NELL1: variants seen among roughly 807,000 people sequenced by gnomAD.
NELL1 encodes protein kinase C-binding protein NELL1.
NELL1 carries 76 observed loss-of-function variants against 107.4 expected under a neutral mutation model. That is an observed-to-expected ratio of 0.71 (90% CI 0.59 to 0.86). The LOEUF (loss-of-function observed/expected upper bound fraction) is 0.86. Ranked by LOEUF, NELL1 falls within the 40% of genes least tolerant of loss-of-function variation. The pLI, the probability that NELL1 is intolerant of heterozygous loss-of-function variation, is 0.00. For synonymous variants in NELL1, 353 were observed against 341.2 expected (o/e 1.03, Z -0.38); for missense variants, 1,024 against 1,005.5 (o/e 1.02, Z -0.25).
At chr11:20,874,265 A>G (rs60348315) in intron 4 of NELL1, among the ~76,000 whole-genome samples, 3,619 of 151,960 alleles carry the variant, frequency 0.024, 161 homozygotes, top group African/African-American at 0.083. Flanking sequence ...TCGAGGTTTC[A>G]TCATATTGAT....
chr11:21,517,170 A>T (rs1330521289), intron 15 of NELL1, among the ~76,000 whole-genome samples: 1 of 148,212 alleles, frequency 6.7e-6, no homozygotes, highest in Non-Finnish European at 1.5e-5. Context: ...AGGAAACCTT[A>T]GGCAAATCAC....
At chr11:21,416,079 A>T (rs1852511546) in intron 15 of NELL1, among the ~76,000 whole-genome samples, 2 of 152,054 alleles carry the variant, frequency 1.3e-5, no homozygotes, top group Non-Finnish European at 2.9e-5. Context: ...CACTCTAGGA[A>T]GGAAATATCT....
chr11:21,496,336 AT>A (rs1854977502), intron 15 of NELL1, among the ~76,000 whole-genome samples: 1 of 149,296 alleles, frequency 6.7e-6, no homozygotes, highest in Non-Finnish European at 1.5e-5. Flanking sequence ...CCTCCTTTGC[AT>A]TTCTTAATTA....
intron 3 of NELL1, among the ~76,000 whole-genome samples, chr11:20,812,993 C>T (rs1322569253): frequency 4.2e-5 from 5 of 120,218 alleles, no homozygotes; most frequent in South Asian, 5.5e-4. Flanking sequence ...TGGGCGACAG[C>T]GAGACTCCGT....
intron 5 of NELL1, among the ~76,000 whole-genome samples, chr11:20,901,232 A>G (rs1849865564): frequency 6.6e-6 from 1 of 152,148 alleles, no homozygotes; most frequent in African/African-American, 2.4e-5. Context: ...AAGAGAGTTC[A>G]GAAAGAGTAC....
chr11:21,555,221 A>G (rs529549300), intron 16 of NELL1, among the ~76,000 whole-genome samples: 14 of 151,860 alleles, frequency 9.2e-5, no homozygotes, highest in Non-Finnish European at 2.1e-4. Flanking sequence ...TAATGAAGAG[A>G]TAATAGGATG....
intron 2 of NELL1, among the ~76,000 whole-genome samples, chr11:20,751,373 A>G (rs919124387): frequency 1.3e-5 from 2 of 152,168 alleles, no homozygotes; most frequent in African/African-American, 2.4e-5. Flanking sequence ...CCATGACTCA[A>G]TCCATCAACA....
chr11:20,757,090 A>G (rs1023213357), intron 2 of NELL1, among the ~76,000 whole-genome samples: 5 of 150,736 alleles, frequency 3.3e-5, no homozygotes, highest in African/African-American at 1.2e-4. Flanking sequence ...TTCTCTCCCA[A>G]CTTTTTTTCT....
At position 20,928,454 on chromosome 11, in the gene NELL1, T is replaced by C; in HGVS notation, c.972T>C (p.Ala324=). 3 of 1,614,002 alleles carry C rather than the reference T, an allele frequency of 1.9e-6. No homozygotes were observed. Among genetic ancestry groups the C allele is most frequent in the Non-Finnish European group, 2.5e-6 (3 of 1,179,900 alleles). The part of the protein sequence containing the change: ...CSPDSLPVHI[A]GQCCKVCRPK... ...CAGACTCCCTCCCAGTGCACATTGC[T>C]GGCCAGTGCTGTAAGGTCTGCCGAC... Residue 324 remains alanine (A), a synonymous_variant, in exon 9 of 20, where the codon GCT becomes GCC. Transcript: ENST00000357134.
chr11:21,202,210 C>A (rs1273426081), intron 13 of NELL1, among the ~76,000 whole-genome samples: 2 of 152,166 alleles, frequency 1.3e-5, no homozygotes, highest in Non-Finnish European at 2.9e-5. Context: ...GGTACCAGCT[C>A]CTCTTTGTAC....
chr11:21,060,787 C>T (rs574782365), intron 12 of NELL1, among the ~76,000 whole-genome samples: 13 of 152,260 alleles, frequency 8.5e-5, no homozygotes, highest in Non-Finnish European at 1.5e-4. Flanking sequence ...CTGCAACCTT[C>T]GCCTCCCAGG....
chr11:20,845,614 A>G (rs1013111263), intron 3 of NELL1, among the ~76,000 whole-genome samples: 38 of 152,198 alleles, frequency 2.5e-4, no homozygotes, highest in African/African-American at 9.2e-4. Flanking sequence ...CTTGGGCAAG[A>G]TACTTAATAT....
At chr11:20,694,369 G>T (rs1854556518) in intron 2 of NELL1, among the ~76,000 whole-genome samples, 1 of 151,732 alleles carries the variant, frequency 6.6e-6, no homozygotes, top group African/African-American at 2.4e-5. Context: ...GTATTTTCTG[G>T]GTTTTCTTCT....
At chr11:20,971,226 T>C (rs1464922999) in intron 12 of NELL1, among the ~76,000 whole-genome samples, 1 of 152,138 alleles carries the variant, frequency 6.6e-6, no homozygotes, top group Non-Finnish European at 1.5e-5. Context: ...AAAATCATGC[T>C]GAGACATTTT....
intron 2 of NELL1, among the ~76,000 whole-genome samples, chr11:20,763,648 C>T (rs757587793): frequency 1.5e-4 from 23 of 152,174 alleles, no homozygotes; most frequent in African/African-American, 4.3e-4. Flanking sequence ...GTACATTACA[C>T]GGAAGGAAAG....
intron 14 of NELL1, among the ~76,000 whole-genome samples, chr11:21,307,870 A>C (rs1590823179): frequency 6.6e-6 from 1 of 152,038 alleles, no homozygotes; most frequent in East Asian, 1.9e-4. Context: ...AAAACAAGTA[A>C]CCTTGTACTC....
chr11:20,827,369 A>G (rs893810937), intron 3 of NELL1, among the ~76,000 whole-genome samples: 1 of 151,352 alleles, frequency 6.6e-6, no homozygotes, highest in Non-Finnish European at 1.5e-5. Flanking sequence ...TTCAAGGCTT[A>G]TAATTAGGAA....
intron 2 of NELL1, among the ~76,000 whole-genome samples, chr11:20,749,237 G>A (rs181634780): frequency 2.0e-5 from 3 of 152,210 alleles, no homozygotes; most frequent in Admixed American, 6.5e-5. Flanking sequence ...TATGGCGGGC[G>A]AGAAATTACT....
At chr11:20,897,811 G>GA (rs1849780858) in intron 5 of NELL1, among the ~76,000 whole-genome samples, 1 of 152,174 alleles carries the variant, frequency 6.6e-6, no homozygotes. Context: ...AAAGACACAT[G>GA]AAAAAATGCT....
Sources: gnomAD v4.1 joint callset for allele counts (sites outside exome capture counted in the v4.1 genomes callset) on GRCh38, gnomAD v4.1.1 for gene constraint, MANE v1.5 for transcripts, NCBI Gene and HGNC (gene_info 2026-07-23, HGNC 2026-07-21) for gene names.